TENM1: variants seen among roughly 807,000 people sequenced by gnomAD.
TENM1 encodes teneurin transmembrane protein 1.
A neutral mutation model predicts 174.8 loss-of-function variants in TENM1; 35 were observed. That is an observed-to-expected ratio of 0.20 (90% CI 0.15 to 0.27). The LOEUF (loss-of-function observed/expected upper bound fraction) is 0.27, where lower values mean the gene tolerates loss of function less well. TENM1 is among the 10% of genes least tolerant of loss of function. The probability of loss-of-function intolerance (pLI) is 1.00; values close to 1 mark genes in which losing one functional copy is unlikely to be tolerated. For missense variants in TENM1, 1,633 were observed against 2,130.1 expected (o/e 0.77, Z 4.59); for synonymous variants, 781 against 798.7 (o/e 0.98, Z 0.37).
chrX:124,402,753 A>T (rs2060414269), intron 27 of TENM1, among the ~76,000 whole-genome samples: 1 of 111,684 alleles, frequency 9.0e-6, no homozygotes. Flanking sequence ...TGGGAGAGGT[A>T]CTAAGAAATC....
chrX:124,664,770 A>G, intron 6 of TENM1, among the ~76,000 whole-genome samples: 1 of 107,918 alleles, frequency 9.3e-6, no homozygotes. Flanking sequence ...AGGAGATCTT[A>G]GATGTGAAAT....
intron 18 of TENM1, among the ~76,000 whole-genome samples, chrX:124,507,042 T>C (rs2047466604): frequency 9.0e-6 from 1 of 110,632 alleles, no homozygotes; most frequent in Non-Finnish European, 1.9e-5. Flanking sequence ...ATCATCAACA[T>C]AGCATGGTAC....
At chrX:125,183,124 G>T in the TENM1 span, among the ~76,000 whole-genome samples, 3 of 111,779 alleles carry the variant, frequency 2.7e-5, no homozygotes, top group African/African-American at 9.7e-5. Flanking sequence ...CATTCTTTTG[G>T]TTTCATCAGA....
chrX:125,132,719 C>A, the TENM1 span, among the ~76,000 whole-genome samples: 6 of 111,707 alleles, frequency 5.4e-5, no homozygotes, highest in Non-Finnish European at 9.4e-5. Context: ...AAACCAGGCA[C>A]AGAAAGTTTA....
At chrX:124,702,837 G>T (rs12116326) in intron 5 of TENM1, among the ~76,000 whole-genome samples, 10,320 of 110,904 alleles carry the variant, frequency 0.093, 386 homozygotes, top group South Asian at 0.13. Flanking sequence ...AAGGATTGTT[G>T]TGAGAATTAA....
intron 11 of TENM1, among the ~76,000 whole-genome samples, chrX:124,600,261 A>G: frequency 9.0e-6 from 1 of 111,162 alleles, no homozygotes; most frequent in Middle Eastern, 4.6e-3. Context: ...TCCTATTAAG[A>G]CAAAAAGTGC....
the TENM1 span, among the ~76,000 whole-genome samples, chrX:125,190,797 T>C: frequency 6.8e-4 from 76 of 111,359 alleles, no homozygotes; most frequent in Non-Finnish European, 1.3e-3. Flanking sequence ...TTACAGAAAA[T>C]TTGGAAAATA....
chrX:124,761,339 T>C (rs1008185719), intron 3 of TENM1, among the ~76,000 whole-genome samples: 71 of 110,180 alleles, frequency 6.4e-4, no homozygotes, highest in Non-Finnish European at 1.2e-3. Flanking sequence ...GTGGCACATA[T>C]ACACCATGGA....
At chrX:124,409,172 C>T (rs1295635787) in intron 25 of TENM1, among the ~76,000 whole-genome samples, 8 of 110,253 alleles carry the variant, frequency 7.3e-5, no homozygotes, top group African/African-American at 2.6e-4. Context: ...TATATTCCTT[C>T]GGGTATATAC....
chrX:124,811,451 A>T (rs2055770810), intron 3 of TENM1, among the ~76,000 whole-genome samples: 1 of 111,634 alleles, frequency 9.0e-6, no homozygotes, highest in Non-Finnish European at 1.9e-5. Flanking sequence ...TGCAAATTAA[A>T]ACCACAATGA....
intron 11 of TENM1, among the ~76,000 whole-genome samples, chrX:124,566,356 A>G (rs1035114819): frequency 8.9e-6 from 1 of 112,186 alleles, no homozygotes; most frequent in Non-Finnish European, 1.9e-5. Flanking sequence ...AATAATGATG[A>G]TGTGTACTGG....
chrX:124,446,958 G>T (rs1019274437), intron 23 of TENM1, among the ~76,000 whole-genome samples: 2 of 112,212 alleles, frequency 1.8e-5, no homozygotes, highest in East Asian at 2.8e-4. Flanking sequence ...TCATGTTGCA[G>T]CATAGGCCTC....
chrX:124,410,654 C>T (rs999721934), intron 25 of TENM1, among the ~76,000 whole-genome samples: 8 of 111,892 alleles, frequency 7.1e-5, no homozygotes, highest in Non-Finnish European at 1.1e-4. Flanking sequence ...GAATCTACAA[C>T]GAACCCCAAC....
At chrX:124,383,840 A>G in exon 30 of TENM1, 2 of 1,210,798 alleles carry the variant, frequency 1.7e-6, no homozygotes, top group Non-Finnish European at 1.1e-6. Context: ...ATGAAAACCA[A>G]TAATGACCTG....
chrX:124,640,502 C>T (rs1223892257), intron 11 of TENM1, among the ~76,000 whole-genome samples: 1 of 111,831 alleles, frequency 8.9e-6, no homozygotes, highest in Non-Finnish European at 1.9e-5. Context: ...AGAGTTACCA[C>T]TTATTAATTA....
chrX:124,866,182 T>C (rs187351392), intron 3 of TENM1, among the ~76,000 whole-genome samples: 13 of 112,085 alleles, frequency 1.2e-4, no homozygotes, highest in South Asian at 3.7e-4. Context: ...TTACAGAACA[T>C]TTCATCCAAG....
intron 5 of TENM1, among the ~76,000 whole-genome samples, chrX:124,676,791 G>A (rs1249089176): frequency 9.3e-6 from 1 of 107,181 alleles, no homozygotes; most frequent in African/African-American, 3.4e-5. Flanking sequence ...AAATAAGACT[G>A]GTGGTCTCTA....
At chrX:125,064,683 T>C in the TENM1 span, among the ~76,000 whole-genome samples, 2 of 111,047 alleles carry the variant, frequency 1.8e-5, no homozygotes, top group Non-Finnish European at 3.8e-5. Flanking sequence ...TTTTTTTTTC[T>C]GCAAGCTCCG....
chrX:125,110,455 C>A, the TENM1 span, among the ~76,000 whole-genome samples: 1 of 111,113 alleles, frequency 9.0e-6, no homozygotes. Flanking sequence ...CTCTTCTTGT[C>A]TTTTCATTCA....
Sources: gnomAD v4.1 joint callset for allele counts (sites outside exome capture counted in the v4.1 genomes callset) on GRCh38, gnomAD v4.1.1 for gene constraint, MANE v1.5 for transcripts, NCBI Gene and HGNC (gene_info 2026-07-23, HGNC 2026-07-21) for gene names.